ITCH: variants seen among roughly 807,000 people sequenced by gnomAD.
ITCH encodes the protein E3 ubiquitin-protein ligase Itchy homolog.
ITCH carries 28 observed loss-of-function variants against 126.8 expected under a neutral mutation model. That is an observed-to-expected ratio of 0.22 (90% CI 0.16 to 0.30). ITCH has a LOEUF of 0.30. Among genes scored for constraint, ITCH ranks in the 10% least tolerant of loss-of-function variants. ITCH has a pLI of 1.00. For missense variants in ITCH, 631 were observed against 1,032.4 expected, an observed-to-expected ratio of 0.61 and a Z score of 5.33; for synonymous variants, 342 against 340.0, an observed-to-expected ratio of 1.01 and a Z score of -0.06.
At chr20:34,382,392 T>G (rs1475384662) in intron 2 of ITCH, among the ~76,000 whole-genome samples, 2 of 152,196 alleles carry the variant, frequency 1.3e-5, no homozygotes, top group African/African-American at 2.4e-5. Context: ...GTATTGACTT[T>G]CAGTTTACTT....
In ITCH at chr20:34,438,623, G is replaced by A. The variant is rs772473360; in HGVS notation, c.671G>A (p.Arg224His). ...RPSRPPPPTP[R>H]RPASVNGSPS... ...TCACGACCACCACCACCCACCCCAC[G>A]TAGACCAGGTTTGTATTCCAGCTCT... Residue 224 changes from arginine (R) to histidine (H), a missense_variant, in exon 8 of 25, where the codon CGT (arginine) becomes CAT (histidine). Transcript: ENST00000374864. 49 of 1,613,600 alleles carry A rather than the reference G, an allele frequency of 3.0e-5. No individual in the cohort carries two copies. The Admixed American group carries it at 4.3e-4, about 14-fold the overall frequency.
chr20:34,497,065 C>T (rs954054229), intron 23 of ITCH, among the ~76,000 whole-genome samples: 3 of 151,700 alleles, frequency 2.0e-5, no homozygotes, highest in Non-Finnish European at 4.4e-5. Flanking sequence ...GGCGAGATCT[C>T]GGCTCCCCAC....
intron 11 of ITCH, among the ~76,000 whole-genome samples, chr20:34,446,662 C>T (rs1984508994): frequency 6.6e-6 from 1 of 151,912 alleles, no homozygotes; most frequent in Non-Finnish European, 1.5e-5. Context: ...TTACATCTTC[C>T]TTCCTTTCTA....
chr20:34,408,727 A>G lies in ITCH; in HGVS notation c.147A>G (p.Gly49=). ...PSPYVEVTVD[G]QSKKTEKCNN... Reference sequence around the variant, plus strand: ...CTTACGTAGAGGTCACAGTAGATGGACAGTCAAAGAAGACAGAAAAATGCA... The same window carrying G: ...CTTACGTAGAGGTCACAGTAGATGGGCAGTCAAAGAAGACAGAAAAATGCA... Residue 49 remains glycine, a synonymous_variant, in exon 4 of 25, where the codon GGA becomes GGG. Transcript: ENST00000374864. The G allele has an allele frequency of 6.2e-7, 1 of 1,614,028 alleles. No homozygotes were observed. Among genetic ancestry groups the G allele is most frequent in the Non-Finnish European group, 8.5e-7 (1 of 1,179,906 alleles).
chr20:34,424,057 C>A (rs1182789313), intron 6 of ITCH, among the ~76,000 whole-genome samples: 1 of 152,060 alleles, frequency 6.6e-6, no homozygotes. Flanking sequence ...TTTTCCAGGC[C>A]CCTGCAATAA....
Position 34,408,865 on chromosome 20 carries a change from T to TG in ITCH, c.212+73_212+74insG. 2.0e-6 allele frequency: 3 copies of TG among 1,523,000 alleles called. No homozygotes were observed. The South Asian group carries it at 3.6e-5, about 18-fold the overall frequency. The allele number at this position is 1,523,000 out of a possible 1,614,324, so 94.3% of individuals were successfully genotyped here. On this transcript the variant is annotated intron_variant, in intron 4 of 24. Transcript: ENST00000374864. ...TTGGAAATACAATTTAAAAAAATGT[T>TG]TCTCACTTTGGTTTTTTGTTGTTGT...
intron 13 of ITCH, among the ~76,000 whole-genome samples, chr20:34,459,099 C>A (rs1176731108): frequency 3.9e-5 from 6 of 152,188 alleles, no homozygotes; most frequent in Non-Finnish European, 8.8e-5. Flanking sequence ...TCCAGACCAA[C>A]TGTCTACAAA....
chr20:34,505,677 C>T (rs1294338522), intron 24 of ITCH, among the ~76,000 whole-genome samples: 3 of 151,850 alleles, frequency 2.0e-5, no homozygotes, highest in Non-Finnish European at 2.9e-5. Flanking sequence ...CTCAGCCTCC[C>T]GAGTAGCTGG....
intron 4 of ITCH, 40 bp downstream of exon 4, chr20:34,408,832 G>A (rs756469859): frequency 6.3e-7 from 1 of 1,592,976 alleles, no homozygotes; most frequent in Non-Finnish European, 8.6e-7. Flanking sequence ...GTTTTGTTTA[G>A]TAGATGATTG....
chr20:34,504,310 T>C, intron 23 of ITCH, 21 bp from the exon 24 acceptor site: 2 of 1,593,382 alleles, frequency 1.3e-6, no homozygotes, highest in Non-Finnish European at 1.7e-6. Flanking sequence ...ACAAACTGTT[T>C]ATGATTTCAT....
At chr20:34,405,853 G>A (rs1180513752) in intron 3 of ITCH, among the ~76,000 whole-genome samples, 1 of 151,528 alleles carries the variant, frequency 6.6e-6, no homozygotes, top group Non-Finnish European at 1.5e-5. Flanking sequence ...TAAACTCCTG[G>A]GCTCAAGTGA....
At chr20:34,498,125 T>C (rs1378760829) in intron 23 of ITCH, among the ~76,000 whole-genome samples, 1 of 152,262 alleles carries the variant, frequency 6.6e-6, no homozygotes, top group East Asian at 1.9e-4. Context: ...TCTTGATTTC[T>C]TTTTCTTCTA....
chr20:34,395,795 AAAT>A (rs1490961256), intron 3 of ITCH, among the ~76,000 whole-genome samples: 2 of 152,116 alleles, frequency 1.3e-5, no homozygotes, highest in Admixed American at 6.5e-5. Context: ...TTTTTTTGCT[AAAT>A]AATATTTTAT....
chr20:34,384,399 G>C (rs1036480655), intron 2 of ITCH: 4 of 148,714 alleles, frequency 2.7e-5, no homozygotes, highest in Non-Finnish European at 5.9e-5. Context: ...CTCTTCCTCA[G>C]CCTCCTGAGT....
chr20:34,482,016 A>G (rs114288787), intron 20 of ITCH, among the ~76,000 whole-genome samples: 34 of 152,346 alleles, frequency 2.2e-4, no homozygotes, highest in African/African-American at 8.2e-4. Flanking sequence ...TCTCAAAACA[A>G]ACAAACGAAT....
At chr20:34,391,997 C>T (rs558087412) in intron 2 of ITCH, among the ~76,000 whole-genome samples, 6 of 152,156 alleles carry the variant, frequency 3.9e-5, no homozygotes, top group Non-Finnish European at 8.8e-5. Flanking sequence ...AGATGAGTAC[C>T]TTTATCATGC....
At chr20:34,495,573 A>G (rs1989823333) in intron 23 of ITCH, among the ~76,000 whole-genome samples, 1 of 151,920 alleles carries the variant, frequency 6.6e-6, no homozygotes, top group African/African-American at 2.4e-5. Flanking sequence ...GTCACTTAAA[A>G]CGTCCTCCAT....
chr20:34,382,306 A>G (rs2038094033), intron 2 of ITCH, among the ~76,000 whole-genome samples: 1 of 152,184 alleles, frequency 6.6e-6, no homozygotes, highest in African/African-American at 2.4e-5. Flanking sequence ...CTGAATAACA[A>G]TGCTTTTTGG....
At chr20:34,443,381 G>A (rs183102217) in intron 10 of ITCH, among the ~76,000 whole-genome samples, 748 of 151,620 alleles carry the variant, frequency 4.9e-3, no homozygotes, top group Non-Finnish European at 8.6e-3. Flanking sequence ...GTTGTGGCGC[G>A]CCTGTAGTCC....
Sources: gnomAD v4.1 joint callset for allele counts (sites outside exome capture counted in the v4.1 genomes callset) on GRCh38, gnomAD v4.1.1 for gene constraint, MANE v1.5 for transcripts, NCBI Gene and HGNC (gene_info 2026-07-23, HGNC 2026-07-21) for gene names.